The following MTM1 variants were observed in gnomAD, a reference collection of about 807,000 sequenced individuals.
MTM1 encodes myotubularin 1, also known as myotubularin.
Under a neutral mutation model 52.1 loss-of-function variants are expected in MTM1, and 9 were observed. That is an observed-to-expected ratio of 0.17 (90% CI 0.10 to 0.30). The LOEUF (loss-of-function observed/expected upper bound fraction) is 0.30. Among genes scored for constraint, MTM1 ranks in the 10% least tolerant of loss-of-function variants. The pLI, the probability that MTM1 is intolerant of heterozygous loss-of-function variation, is 1.00. For missense variants in MTM1, 277 were observed against 470.7 expected (o/e 0.59, Z 3.81); for synonymous variants, 136 against 163.8 (o/e 0.83, Z 1.29).
intron 6 of MTM1, 56 bp from the exon 7 acceptor site, chrX:150,638,887 T>C (rs2039799740): frequency 1.1e-6 from 1 of 890,308 alleles, no homozygotes; most frequent in Non-Finnish European, 1.7e-6. Context: ...AAAGATGTAC[T>C]ATAATAGTAG....
At chrX:150,654,960 T>C (rs901438501) in intron 10 of MTM1, among the ~76,000 whole-genome samples, 1 of 111,992 alleles carries the variant, frequency 8.9e-6, no homozygotes, top group Non-Finnish European at 1.9e-5. Context: ...AAGATGGAAC[T>C]CTCATACATT....
intron 10 of MTM1, among the ~76,000 whole-genome samples, chrX:150,651,485 GTT>G (rs56302527): frequency 4.1e-3 from 310 of 74,791 alleles, no homozygotes; most frequent in Middle Eastern, 0.036. Context: ...CAATTAGGTT[GTT>G]TTTTTTTTTT....
At chrX:150,653,936 G>C (rs1260655387) in intron 10 of MTM1, among the ~76,000 whole-genome samples, 1 of 111,762 alleles carries the variant, frequency 8.9e-6, no homozygotes, top group Non-Finnish European at 1.9e-5. Context: ...ACAAGCTAGT[G>C]GGGACATGGC....
At chrX:150,608,449 G>GAC (rs2039209637) in intron 4 of MTM1, among the ~76,000 whole-genome samples, 1 of 111,688 alleles carries the variant, frequency 9.0e-6, no homozygotes, top group Non-Finnish European at 1.9e-5. Flanking sequence ...AAACTCCTTG[G>GAC]CTCAAGCGAT....
intron 4 of MTM1, among the ~76,000 whole-genome samples, chrX:150,611,353 A>G (rs2039273315): frequency 8.9e-6 from 1 of 112,633 alleles, no homozygotes; most frequent in Non-Finnish European, 1.9e-5. Flanking sequence ...ACTTTCAGAT[A>G]AATGTGACTG....
chrX:150,604,997 C>T (rs2039130856), intron 4 of MTM1, among the ~76,000 whole-genome samples: 2 of 111,430 alleles, frequency 1.8e-5, no homozygotes, highest in African/African-American at 6.5e-5. Context: ...CTCGTGCAGC[C>T]ATTTTGTCCC....
At chrX:150,584,073 T>C (rs948171541) in intron 1 of MTM1, among the ~76,000 whole-genome samples, 2 of 98,785 alleles carry the variant, frequency 2.0e-5, no homozygotes, top group Admixed American at 1.3e-4. Flanking sequence ...TATATTTTCA[T>C]ATATATATAT....
chrX:150,625,711 C>T (rs1329698489), intron 6 of MTM1, among the ~76,000 whole-genome samples: 1 of 112,732 alleles, frequency 8.9e-6, no homozygotes, highest in East Asian at 2.8e-4. Flanking sequence ...TTTCCTTTCA[C>T]ATTCTGCATG....
chrX:150,590,742 G>A (rs899434780), intron 1 of MTM1, among the ~76,000 whole-genome samples: 9 of 111,965 alleles, frequency 8.0e-5, no homozygotes, highest in African/African-American at 2.9e-4. Context: ...GGGTGGTGAC[G>A]TTGACTGAGT....
intron 4 of MTM1, among the ~76,000 whole-genome samples, chrX:150,608,462 G>A (rs1198123594): frequency 2.7e-5 from 3 of 111,935 alleles, no homozygotes; most frequent in African/African-American, 9.7e-5. Context: ...CAAGCGATCC[G>A]CCTGCCTCCG....
chrX:150,570,582 T>A (rs1011030216), intron 1 of MTM1, among the ~76,000 whole-genome samples: 1 of 111,465 alleles, frequency 9.0e-6, no homozygotes, highest in East Asian at 2.8e-4. Flanking sequence ...AATCCTTTGC[T>A]GTTTTCATAG....
intron 10 of MTM1, among the ~76,000 whole-genome samples, chrX:150,651,250 C>CATAT (rs10686921): frequency 0.29 from 31,643 of 110,361 alleles, 3,472 homozygotes; most frequent in South Asian, 0.51. Flanking sequence ...AGAAAGTTCC[C>CATAT]ATATACCCAA....
rs1557413215 is a variant in MTM1 at position 150,619,116 on chromosome X, G to A, written c.421G>A (p.Ala141Thr). ...TATGTTTGAGATCCTCACGAGATAC[G>A]CGTTTCCCCTGGCTCACAGTCTGGT... ...RDMFEILTRY[A>T]FPLAHSLPLF... The change falls in exon 6 of 15, where the codon GCG (alanine) becomes ACG (threonine). Residue 141 changes from alanine (A) to threonine (T), a missense_variant. Physicochemically the swap from Ala to Thr is moderately conservative, Grantham distance 58. Coordinates refer to ENST00000370396, the MANE Select transcript of MTM1 (RefSeq NM_000252.3). The A allele has an allele frequency of 5.8e-6, 7 of 1,206,778 alleles. No individual in the cohort carries two copies. The highest frequency in any genetic ancestry group is 1.7e-5 in the African/African-American group (1 of 57,611).
chrX:150,657,619 TA>T (rs112119260), intron 10 of MTM1, among the ~76,000 whole-genome samples: 2 of 107,743 alleles, frequency 1.9e-5, no homozygotes, highest in Non-Finnish European at 1.9e-5. Context: ...AAGTATAATT[TA>T]AAAAAAAAAG....
intron 1 of MTM1, among the ~76,000 whole-genome samples, chrX:150,570,580 G>A (rs1017655962): frequency 9.0e-6 from 1 of 110,848 alleles, no homozygotes; most frequent in Admixed American, 9.6e-5. Flanking sequence ...CAAATCCTTT[G>A]CTGTTTTCAT....
chrX:150,612,439 C>A (rs2039299656), intron 4 of MTM1, among the ~76,000 whole-genome samples: 1 of 111,890 alleles, frequency 8.9e-6, no homozygotes. Flanking sequence ...CACATGTAAT[C>A]CCAATACTTT....
At chrX:150,586,913 CAAA>C (rs10618246) in intron 1 of MTM1, among the ~76,000 whole-genome samples, 3 of 60,721 alleles carry the variant, frequency 4.9e-5, no homozygotes, top group Admixed American at 1.9e-4. Context: ...CACTCTGTCT[CAAA>C]AAAAAAAAAA....
chrX:150,657,722 G>A (rs782422533), intron 10 of MTM1, 99 bp from the exon 11 acceptor site: 6 of 795,474 alleles, frequency 7.5e-6, no homozygotes, highest in African/African-American at 6.1e-5. Context: ...TGTTCTGGAC[G>A]TTAATATTTT....
chrX:150,584,979 G>A (rs1255807139), intron 1 of MTM1, among the ~76,000 whole-genome samples: 2 of 109,967 alleles, frequency 1.8e-5, no homozygotes, highest in Non-Finnish European at 3.8e-5. Flanking sequence ...TTTTTGATCC[G>A]CAGTTGGTTG....
Sources: gnomAD v4.1 joint callset for allele counts (sites outside exome capture counted in the v4.1 genomes callset) on GRCh38, gnomAD v4.1.1 for gene constraint, MANE v1.5 for transcripts, NCBI Gene and HGNC (gene_info 2026-07-23, HGNC 2026-07-21) for gene names.